Variants in TIAM1 observed in about 807,000 individuals in gnomAD.
The protein encoded by TIAM1 is TIAM Rac1 associated GEF 1.
Under a neutral mutation model 163.5 loss-of-function variants are expected in TIAM1, and 65 were observed. That is an observed-to-expected ratio of 0.40 (90% CI 0.33 to 0.49). TIAM1 has a LOEUF of 0.49. Among genes scored for constraint, TIAM1 ranks in the 20% least tolerant of loss-of-function variants. The pLI, the probability that TIAM1 is intolerant of heterozygous loss-of-function variation, is 0.77. For synonymous variants in TIAM1, 833 were observed against 810.1 expected (o/e 1.03, Z -0.48); for missense variants, 1,789 against 2,044.7 (o/e 0.87, Z 2.41).
intron 10 of TIAM1, among the ~76,000 whole-genome samples, chr21:31,210,646 A>G: frequency 4.5e-5 from 1 of 22,394 alleles, no homozygotes; most frequent in Admixed American, 3.8e-4. Flanking sequence ...AGAAAGAAAG[A>G]AAGAAAGAAA....
intron 10 of TIAM1, 45 bp from the exon 11 acceptor site, chr21:31,210,260 T>G: frequency 1.3e-6 from 2 of 1,594,710 alleles, no homozygotes; most frequent in Non-Finnish European, 1.7e-6. Flanking sequence ...AGTGGAGCTC[T>G]GACAACCCTA....
intron 1 of TIAM1, among the ~76,000 whole-genome samples, chr21:31,512,506 T>C (rs1270653339): frequency 1.3e-5 from 2 of 152,104 alleles, no homozygotes; most frequent in Admixed American, 1.3e-4. Flanking sequence ...TCCTTCCTAC[T>C]TCATTTTTTC....
At chr21:31,176,347 A>C (rs1409192753) in intron 15 of TIAM1, among the ~76,000 whole-genome samples, 1 of 152,222 alleles carries the variant, frequency 6.6e-6, no homozygotes, top group African/African-American at 2.4e-5. Context: ...AAAAACAGCC[A>C]CTGAAGGAAC....
chr21:31,318,676 T>G (rs1039080310), intron 2 of TIAM1, among the ~76,000 whole-genome samples: 1 of 152,204 alleles, frequency 6.6e-6, no homozygotes, highest in Non-Finnish European at 1.5e-5. Context: ...GAAATAGTTC[T>G]TTTTGGCTTT....
At chr21:31,386,526 T>G (rs1387742680) in intron 2 of TIAM1, among the ~76,000 whole-genome samples, 1 of 152,116 alleles carries the variant, frequency 6.6e-6, no homozygotes, top group East Asian at 1.9e-4. Context: ...ATGGAGGAAC[T>G]GCCGCAGCCC....
chr21:31,296,001 G>C (rs2074248289), intron 2 of TIAM1, among the ~76,000 whole-genome samples: 1 of 152,150 alleles, frequency 6.6e-6, no homozygotes, highest in South Asian at 2.1e-4. Context: ...TTTTCGCCAT[G>C]TTGGGCAGAC....
chr21:31,189,259 T>C (rs577207561), intron 13 of TIAM1, among the ~76,000 whole-genome samples: 2 of 152,010 alleles, frequency 1.3e-5, no homozygotes, highest in South Asian at 2.1e-4. Flanking sequence ...TCCGTCATGC[T>C]GGCCAGACTG....
At chr21:31,521,215 A>G (rs1266471347) in intron 1 of TIAM1, among the ~76,000 whole-genome samples, 1 of 152,218 alleles carries the variant, frequency 6.6e-6, no homozygotes. Flanking sequence ...TCGGCTTTCT[A>G]TTTTATGGCC....
In TIAM1 at chr21:31,441,983, G is replaced by A. The variant is rs545107549; in HGVS notation, c.-369+22000C>T. ...AGGTGGGAGGATCATTTGAGCTCAA[G>A]AGGTGGGAATTATAGTGAGCTGAGA... On this transcript the variant is annotated intron_variant, in intron 2 of 28. Transcript: ENST00000286827. Among the ~76,000 whole-genome samples the A allele has an allele frequency of 2.7e-5, 4 of 146,324 alleles. No homozygotes were observed. The East Asian group carries it at 8.2e-4, about 30-fold the overall frequency.
intron 2 of TIAM1, among the ~76,000 whole-genome samples, chr21:31,297,555 C>A (rs868385802): frequency 6.6e-6 from 1 of 152,154 alleles, no homozygotes; most frequent in Admixed American, 6.5e-5. Flanking sequence ...CCACAACGCA[C>A]GGCTAATTTT....
At chr21:31,493,975 C>T (rs916789332) in intron 1 of TIAM1, among the ~76,000 whole-genome samples, 8 of 152,246 alleles carry the variant, frequency 5.3e-5, no homozygotes, top group South Asian at 4.2e-4. Context: ...AGTACAGTGG[C>T]GCAATCTCAG....
intron 2 of TIAM1, among the ~76,000 whole-genome samples, chr21:31,361,215 G>A (rs1438007536): frequency 6.6e-6 from 1 of 152,182 alleles, no homozygotes; most frequent in East Asian, 1.9e-4. Context: ...CTACACCCAA[G>A]AGAAAAGTTG....
chr21:31,210,029 C>CA lies in TIAM1; in HGVS notation c.2388+15dup, dbSNP rs1376064163. 6.2e-7 allele frequency: 1 copy of CA among 1,607,970 alleles called. No homozygotes were observed. Among genetic ancestry groups the CA allele is most frequent in the Admixed American group, 1.7e-5 (1 of 59,242 alleles). The stretch of plus-strand genomic sequence containing the variant: ...TTCTGCTCTTCTTGGAGAAACAACC[C>CA]AAAGCAGCTCCATACCTTGCAAATC... On this transcript the variant is annotated intron_variant, in intron 11 of 27. Transcript: ENST00000541036.
Position 31,224,437 on chromosome 21 carries a change from T to C in TIAM1, c.1810-846A>G, listed in dbSNP as rs1358542247. Among the ~76,000 whole-genome samples the C allele has an allele frequency of 2.0e-5, 3 of 152,226 alleles. No homozygotes were observed. In the East Asian group the frequency reaches 5.8e-4, roughly 29 times the overall value. On this transcript the variant is annotated intron_variant, in intron 7 of 27. Transcript: ENST00000541036. ...TAAAGTGCTGATGTATGCTACCATGTGTATCCACCTCCAAAACATGAAGCT... is the reference window on the plus strand; with the variant it reads ...TAAAGTGCTGATGTATGCTACCATGCGTATCCACCTCCAAAACATGAAGCT...
At chr21:31,517,565 T>A (rs1400585048) in intron 1 of TIAM1, among the ~76,000 whole-genome samples, 4 of 152,084 alleles carry the variant, frequency 2.6e-5, no homozygotes, top group African/African-American at 9.7e-5. Context: ...GAAAAAGCTA[T>A]GTGACCACAG....
intron 2 of TIAM1, chr21:31,452,441 C>A: frequency 2.4e-6 from 1 of 416,860 alleles, no homozygotes; most frequent in Admixed American, 3.4e-5. Context: ...GAAACAACAA[C>A]AACAAAAGAA....
intron 12 of TIAM1, among the ~76,000 whole-genome samples, chr21:31,198,020 CAAAT>C (rs906365754): frequency 6.6e-6 from 1 of 152,118 alleles, no homozygotes; most frequent in Non-Finnish European, 1.5e-5. Flanking sequence ...AACTCACAAA[CAAAT>C]AGATGTGTCA....
Position 31,389,697 on chromosome 21 carries a change from T to G in TIAM1, c.-368-50275A>C, listed in dbSNP as rs551425092. On this transcript the variant is annotated intron_variant, in intron 2 of 28. Transcript: ENST00000286827. ...AGTCCCATGCGTTGGATACTACCATTTAATCTCTTATTTTCAACCTCTAGA... is the reference window on the plus strand; with the variant it reads ...AGTCCCATGCGTTGGATACTACCATGTAATCTCTTATTTTCAACCTCTAGA... Among the ~76,000 whole-genome samples, 20 of 152,360 alleles carry G rather than the reference T, an allele frequency of 1.3e-4. No homozygotes were observed. The East Asian group carries it at 3.9e-3, about 29-fold the overall frequency.
chr21:31,144,068 G>C (rs1197632593), intron 20 of TIAM1, among the ~76,000 whole-genome samples: 2 of 152,146 alleles, frequency 1.3e-5, no homozygotes, highest in Admixed American at 1.3e-4. Flanking sequence ...AATCATGGGG[G>C]AAGACCTCAT....
Sources: allele counts gnomAD v4.1 joint callset (sites outside exome capture counted in the v4.1 genomes callset), GRCh38; gene constraint gnomAD v4.1.1; transcripts MANE v1.5; gene names NCBI Gene and HGNC (gene_info 2026-07-23, HGNC 2026-07-21).